The following BBS9 variants were observed in gnomAD, a reference collection of about 807,000 sequenced individuals.
The protein encoded by BBS9 is protein PTHB1.
A neutral mutation model predicts 117.7 loss-of-function variants in BBS9; 89 were observed. The observed-to-expected ratio is 0.76, with a 90% CI of 0.64 to 0.90. The LOEUF is 0.90. BBS9 is among the 40% of genes least tolerant of loss of function. The pLI, the probability that BBS9 is intolerant of heterozygous loss-of-function variation, is 0.00. For synonymous variants in BBS9, 379 were observed against 370.9 expected (o/e 1.02, Z -0.25); for missense variants, 982 against 1,042.2 (o/e 0.94, Z 0.80).
chr7:33,300,829 T>G (rs998402708), intron 9 of BBS9, among the ~76,000 whole-genome samples: 1 of 152,294 alleles, frequency 6.6e-6, no homozygotes, highest in South Asian at 2.1e-4. Context: ...AAAATGCTCT[T>G]TACTGTTTCT....
intron 4 of BBS9, among the ~76,000 whole-genome samples, chr7:33,168,356 G>A (rs892739800): frequency 2.0e-5 from 3 of 152,098 alleles, no homozygotes; most frequent in Non-Finnish European, 4.4e-5. Flanking sequence ...GAAGAAACCT[G>A]TACTCTTTGA....
At chr7:33,562,463 C>T (rs889944158) in intron 21 of BBS9, among the ~76,000 whole-genome samples, 6 of 152,262 alleles carry the variant, frequency 3.9e-5, no homozygotes, top group African/African-American at 1.4e-4. Context: ...AATCTGCAGA[C>T]AAAATAGAAT....
intron 5 of BBS9, among the ~76,000 whole-genome samples, chr7:33,196,474 G>T (rs1241190155): frequency 1.3e-5 from 2 of 152,152 alleles, no homozygotes; most frequent in Non-Finnish European, 2.9e-5. Flanking sequence ...CTTTTTTTGT[G>T]TGGGGGTGTT....
At chr7:33,594,344 C>T (rs757610676) in intron 21 of BBS9, among the ~76,000 whole-genome samples, 13 of 152,178 alleles carry the variant, frequency 8.5e-5, no homozygotes, top group Non-Finnish European at 1.2e-4. Flanking sequence ...ATACATTTCG[C>T]GGGGCATCCT....
chr7:33,320,270 G>T (rs771455950), intron 9 of BBS9, among the ~76,000 whole-genome samples: 3 of 151,702 alleles, frequency 2.0e-5, no homozygotes, highest in Non-Finnish European at 1.5e-5. Flanking sequence ...GGTAATCATT[G>T]TTCTACTCTT....
At chr7:33,177,275 G>A (rs908452923) in intron 4 of BBS9, among the ~76,000 whole-genome samples, 30 of 152,086 alleles carry the variant, frequency 2.0e-4, no homozygotes, top group African/African-American at 5.6e-4. Context: ...GTCTAATGGT[G>A]TAATTTAGCT....
chr7:33,240,141 CTATT>C lies in BBS9; in HGVS notation c.443-17089_443-17086del, dbSNP rs1227921354. Among the ~76,000 whole-genome samples the C allele has an allele frequency of 2.0e-5, 3 of 151,978 alleles. No individual in the cohort carries two copies. The East Asian group carries it at 5.8e-4, about 29-fold the overall frequency. On this transcript the variant is annotated intron_variant, in intron 5 of 22. Coordinates refer to ENST00000242067, the MANE Select transcript of BBS9 (RefSeq NM_198428.3). ...CCATAGTCATTAATTTGTTTTTAGA[CTATT>C]TATTTCCTTTGACTTATTTGTCTGT...
chr7:33,180,687 C>T (rs191971514), intron 5 of BBS9, among the ~76,000 whole-genome samples: 288 of 152,228 alleles, frequency 1.9e-3, no homozygotes, highest in African/African-American at 5.4e-3. Flanking sequence ...TTCTTCTTTT[C>T]GGCACCGAGG....
chr7:33,237,294 G>A (rs1200958643), intron 5 of BBS9, among the ~76,000 whole-genome samples: 4 of 152,186 alleles, frequency 2.6e-5, no homozygotes, highest in Admixed American at 1.3e-4. Flanking sequence ...TCAGTTACAC[G>A]GACATCTTTT....
intron 19 of BBS9, among the ~76,000 whole-genome samples, chr7:33,388,923 A>G (rs151333188): frequency 3.9e-5 from 6 of 152,312 alleles, no homozygotes; most frequent in African/African-American, 1.4e-4. Context: ...TGTTGCTGGT[A>G]TGAATAGTCT....
intron 6 of BBS9, among the ~76,000 whole-genome samples, chr7:33,260,139 A>T (rs1175899891): frequency 1.3e-5 from 2 of 151,954 alleles, no homozygotes; most frequent in African/African-American, 4.8e-5. Flanking sequence ...AGCTGGGACT[A>T]CAGGCGCATG....
chr7:33,397,242 G>T (rs1310981702), intron 19 of BBS9, among the ~76,000 whole-genome samples: 3 of 152,168 alleles, frequency 2.0e-5, no homozygotes, highest in African/African-American at 7.2e-5. Context: ...GATCATTAGA[G>T]AAATGTAAAT....
intron 5 of BBS9, among the ~76,000 whole-genome samples, chr7:33,207,743 C>A (rs1264747092): frequency 2.0e-5 from 3 of 152,020 alleles, no homozygotes; most frequent in Middle Eastern, 3.2e-3. Flanking sequence ...TACATATATA[C>A]ATATCTGTAC....
At chr7:33,162,366 G>T (rs117243273) in intron 4 of BBS9, among the ~76,000 whole-genome samples, 3,292 of 151,906 alleles carry the variant, frequency 0.022, 42 homozygotes, top group Non-Finnish European at 0.033. Context: ...TAGACGTGTG[G>T]TGTTATTGGT....
At chr7:33,563,386 A>G (rs945230107) in intron 21 of BBS9, among the ~76,000 whole-genome samples, 2 of 152,158 alleles carry the variant, frequency 1.3e-5, no homozygotes, top group African/African-American at 4.8e-5. Context: ...CCATCATTCT[A>G]AGAGATTGCT....
At chr7:33,194,333 G>A (rs897951312) in intron 5 of BBS9, among the ~76,000 whole-genome samples, 1 of 152,088 alleles carries the variant, frequency 6.6e-6, no homozygotes, top group Non-Finnish European at 1.5e-5. Context: ...GGTCTTAGCA[G>A]CTTCACAAAA....
At chr7:33,547,539 T>A (rs1417358099) in intron 21 of BBS9, among the ~76,000 whole-genome samples, 2 of 152,122 alleles carry the variant, frequency 1.3e-5, no homozygotes, top group African/African-American at 2.4e-5. Flanking sequence ...AAATTTTTTT[T>A]AAAAAGGAAA....
At chr7:33,433,032 C>T (rs1834763899) in intron 19 of BBS9, among the ~76,000 whole-genome samples, 1 of 151,950 alleles carries the variant, frequency 6.6e-6, no homozygotes, top group Non-Finnish European at 1.5e-5. Flanking sequence ...CACCTAGCCA[C>T]TTTACCTAAA....
At chr7:33,163,747 G>A (rs929554744) in intron 4 of BBS9, among the ~76,000 whole-genome samples, 4 of 152,060 alleles carry the variant, frequency 2.6e-5, no homozygotes, top group African/African-American at 9.7e-5. Context: ...CTTGCTAGAG[G>A]TCTATCAATT....
Sources: gnomAD v4.1 joint callset for allele counts (sites outside exome capture counted in the v4.1 genomes callset) on GRCh38, gnomAD v4.1.1 for gene constraint, MANE v1.5 for transcripts, NCBI Gene and HGNC (gene_info 2026-07-23, HGNC 2026-07-21) for gene names.